The following CYP3A7 variants were observed in gnomAD, a reference collection of about 807,000 sequenced individuals.
CYP3A7 encodes the protein cytochrome P450 family 3 subfamily A member 7, also known as cytochrome P450 3A7.
A neutral mutation model predicts 55.2 loss-of-function variants in CYP3A7; 45 were observed. That is an observed-to-expected ratio of 0.82 (90% confidence interval 0.64 to 1.05). CYP3A7 has a LOEUF of 1.05. CYP3A7 is among the 50% of genes least tolerant of loss of function. The probability of loss-of-function intolerance (pLI) is 0.00; values close to 1 mark genes in which losing one functional copy is unlikely to be tolerated. For missense variants in CYP3A7, 548 were observed against 605.3 expected, an observed-to-expected ratio of 0.91 and a Z score of 0.99; for synonymous variants, 180 against 207.4, an observed-to-expected ratio of 0.87 and a Z score of 1.13.
At chr7:99,708,625 G>A (rs192115027) in intron 11 of CYP3A7, among the ~76,000 whole-genome samples, 11 of 152,164 alleles carry the variant, frequency 7.2e-5, no homozygotes, top group Admixed American at 7.2e-4. Flanking sequence ...TTGTCTATCT[G>A]TTGCACTAAC....
chr7:99,710,975 C>T (rs1312603945), intron 9 of CYP3A7, 83 bp from the exon 10 acceptor site: 77 of 1,603,732 alleles, frequency 4.8e-5, no homozygotes, highest in Non-Finnish European at 6.4e-5. Context: ...CTAAGTGGAA[C>T]CTTCAAATCC....
chr7:99,725,447 C>G (rs1396908377), intron 2 of CYP3A7, among the ~76,000 whole-genome samples: 1 of 152,190 alleles, frequency 6.6e-6, no homozygotes. Context: ...TGTAAGACAA[C>G]CCAAGACCAT....
chr7:99,711,483 C>T (rs561143142), intron 9 of CYP3A7, among the ~76,000 whole-genome samples: 1 of 152,208 alleles, frequency 6.6e-6, no homozygotes, highest in Admixed American at 6.5e-5. Flanking sequence ...ATTAGAAATG[C>T]AAAGGCTGGG....
chr7:99,705,107 CAT>C lies in CYP3A7; in HGVS notation c.*391_*392del, dbSNP rs1813471905. The stretch of plus-strand genomic sequence containing the variant: ...ACTATAGAATACTACAGATATAACA[CAT>C]GATATAAATGTCACTGTTAGAGCCA... On this transcript the variant is annotated 3_prime_UTR_variant, in exon 13 of 13. Transcript: ENST00000336374. 4.8e-6 allele frequency: 1 copy of C among 207,762 alleles called. No homozygotes were observed. Among genetic ancestry groups the C allele is most frequent in the South Asian group, 8.3e-5 (1 of 11,980 alleles). The allele number at this position is 207,762 out of a possible 1,614,324, so 12.9% of individuals were successfully genotyped here.
At position 99,705,615 on chromosome 7, in the gene CYP3A7, A is replaced by T; in HGVS notation, c.1417-20T>A. ...GGGGATCTGCAACAGTTAAACGAGC[A>T]TATTGAGAAGCATTAAATAAAGCAA... On this transcript the variant is annotated intron_variant, in intron 12 of 12. Coordinates refer to ENST00000336374, the MANE Select transcript of CYP3A7 (RefSeq NM_000765.5). 3 of 1,612,048 alleles carry T rather than the reference A, an allele frequency of 1.9e-6. No homozygotes were observed. Among genetic ancestry groups the T allele is most frequent in the Non-Finnish European group, 2.5e-6 (3 of 1,178,870 alleles).
chr7:99,733,389 C>T (rs575889123), intron 1 of CYP3A7, among the ~76,000 whole-genome samples: 1 of 152,300 alleles, frequency 6.6e-6, no homozygotes, highest in South Asian at 2.1e-4. Context: ...TTTCCAGCTC[C>T]CCTCTGTTTG....
At chr7:99,716,780 G>A (rs1330991293) in intron 6 of CYP3A7, among the ~76,000 whole-genome samples, 2 of 152,088 alleles carry the variant, frequency 1.3e-5, no homozygotes, top group African/African-American at 4.8e-5. Context: ...GTTATTCTAA[G>A]TTCTCCATTA....
At chr7:99,711,303 T>C (rs1032645375) in intron 9 of CYP3A7, among the ~76,000 whole-genome samples, 6 of 152,230 alleles carry the variant, frequency 3.9e-5, no homozygotes, top group Non-Finnish European at 8.8e-5. Context: ...AGCTACAATA[T>C]ACCTTGACAA....
In CYP3A7 at chr7:99,725,717, C is replaced by T. The variant is rs114231932; in HGVS notation, c.166-3369G>A. ...TTTCTTGGCTGACTCCTTCCCAGAT[C>T]TCCTTGGCTTAGTGGCTGAAGACTG... On this transcript the variant is annotated intron_variant, in intron 2 of 12. Coordinates refer to ENST00000336374, the MANE Select transcript of CYP3A7 (RefSeq NM_000765.5). Among the ~76,000 whole-genome samples, 236 of 152,356 alleles carry T rather than the reference C, an allele frequency of 1.5e-3. 4 individuals carry two copies. The highest frequency in any genetic ancestry group is 5.4e-3 in the African/African-American group (226 of 41,578).
At chr7:99,725,766 C>T (rs1286291074) in intron 2 of CYP3A7, among the ~76,000 whole-genome samples, 1 of 152,158 alleles carries the variant, frequency 6.6e-6, no homozygotes, top group African/African-American at 2.4e-5. Flanking sequence ...ACCTCGGAAG[C>T]CCCCCGGAGA....
Position 99,717,206 on chromosome 7 carries a change from T to G in CYP3A7, c.492A>C (p.Ala164=). The change falls in exon 6 of 13, where the codon GCA becomes GCC. Residue 164 remains alanine, a synonymous_variant. Coordinates refer to ENST00000336374, the MANE Select transcript of CYP3A7 (RefSeq NM_000765.5). ...TCAAGGTGACAGGCTTGCCTGTCTCTGCTTCCCGCCTCAGATTTCTCACCA... is the reference window on the plus strand; with the variant it reads ...TCAAGGTGACAGGCTTGCCTGTCTCGGCTTCCCGCCTCAGATTTCTCACCA... ...DVLVRNLRRE[A]ETGKPVTLKH... is the part of the protein sequence containing the mutation. The G allele has an allele frequency of 6.2e-7, 1 of 1,613,950 alleles. No homozygotes were observed. Among genetic ancestry groups the G allele is most frequent in the Non-Finnish European group, 8.5e-7 (1 of 1,179,854 alleles).
chr7:99,708,992 C>T (rs1356412999), intron 11 of CYP3A7, 43 bp downstream of exon 11: 2 of 1,609,670 alleles, frequency 1.2e-6, no homozygotes, highest in African/African-American at 1.3e-5. Context: ...TATGCTTGAA[C>T]CAGGCTGGTT....
intron 2 of CYP3A7, among the ~76,000 whole-genome samples, chr7:99,728,549 C>A (rs1299592194): frequency 6.6e-6 from 1 of 152,204 alleles, no homozygotes; most frequent in African/African-American, 2.4e-5. Context: ...CTTTGCATTT[C>A]CAGTTTTGCC....
At position 99,709,234 on chromosome 7, in the gene CYP3A7, G is replaced by A. The variant is rs761879106; in HGVS notation, c.1054C>T (p.Gln352Ter). 12 of 1,613,840 alleles carry A rather than the reference G, an allele frequency of 7.4e-6. No individual in the cohort carries two copies. The highest frequency in any genetic ancestry group is 4.5e-5 in the East Asian group (2 of 44,834). Residue 352 changes from glutamine to a stop codon, truncating the protein, a stop_gained, in exon 11 of 13, where the codon CAG (glutamine) becomes TAG (stop). Coordinates refer to ENST00000336374, the MANE Select transcript of CYP3A7 (RefSeq NM_000765.5). LOFTEE classifies it high-confidence loss of function. Reference protein sequence around the residue: ...KAPPTYDTVLQLEYLDMVVNE... With the variant: ...KAPPTYDTVL ...ACCACCATGTCAAGATACTCCAACT[G>A]TAGCACAGTATCATAGGTGGGTGGT...
intron 9 of CYP3A7, 104 bp downstream of exon 9, chr7:99,713,365 T>A: frequency 6.5e-7 from 1 of 1,541,630 alleles, no homozygotes; most frequent in Non-Finnish European, 8.9e-7. Context: ...TTCTGCTATG[T>A]GGCAGAAATT....
chr7:99,715,557 G>T, intron 7 of CYP3A7: 1 of 890,044 alleles, frequency 1.1e-6, no homozygotes, highest in Non-Finnish European at 1.7e-6. Context: ...GCAGGGGGTT[G>T]ATAGCTAAAC....
chr7:99,705,355 G>A lies in CYP3A7; in HGVS notation c.*145C>T, dbSNP rs1282599964. 5.7e-6 allele frequency: 5 copies of A among 884,864 alleles called. No individual in the cohort carries two copies. The highest frequency in any genetic ancestry group is 3.6e-6 in the Non-Finnish European group (2 of 561,186). The allele number at this position is 884,864 out of a possible 1,614,324, so 54.8% of individuals were successfully genotyped here. A position where few individuals can be genotyped will look rare whatever the true frequency, so the allele number is the denominator to read the frequency against. On this transcript the variant is annotated 3_prime_UTR_variant, in exon 13 of 13. Transcript: ENST00000336374. The stretch of plus-strand genomic sequence containing the variant: ...TATACAGACCATGAGAGAGCACAAT[G>A]CACGTACAGAATCCCTGATTATTTA...
intron 1 of CYP3A7, among the ~76,000 whole-genome samples, chr7:99,734,068 A>C (rs1043451864): frequency 6.6e-6 from 1 of 152,212 alleles, no homozygotes; most frequent in African/African-American, 2.4e-5. Flanking sequence ...GAAATAGTCT[A>C]TCTCCAAAAA....
intron 2 of CYP3A7, among the ~76,000 whole-genome samples, chr7:99,723,897 A>C (rs555014249): frequency 6.6e-6 from 1 of 152,254 alleles, no homozygotes; most frequent in East Asian, 1.9e-4. Context: ...TTGGTGTCTA[A>C]ATCACTGCCA....
Sources: gnomAD v4.1 joint callset for allele counts (sites outside exome capture counted in the v4.1 genomes callset) on GRCh38, gnomAD v4.1.1 for gene constraint, MANE v1.5 for transcripts, NCBI Gene and HGNC (gene_info 2026-07-23, HGNC 2026-07-21) for gene names.